PAX8: variants seen among roughly 807,000 people sequenced by gnomAD.
PAX8 encodes paired box protein Pax-8.
Under a neutral mutation model 52.4 loss-of-function variants are expected in PAX8, and 15 were observed. That is an observed-to-expected ratio of 0.29 (90% CI 0.19 to 0.44). The LOEUF is 0.44. Ranked by LOEUF, PAX8 falls within the 20% of genes least tolerant of loss-of-function variation. The pLI is 1.00. For missense variants in PAX8, 554 were observed against 602.5 expected, an observed-to-expected ratio of 0.92 and a Z score of 0.84; for synonymous variants, 284 against 249.7, an observed-to-expected ratio of 1.14 and a Z score of -1.29.
At chr2:113,244,168 G>A (rs1313686979) in intron 4 of PAX8, among the ~76,000 whole-genome samples, 3 of 152,222 alleles carry the variant, frequency 2.0e-5, no homozygotes, top group African/African-American at 4.8e-5. Flanking sequence ...GAAAGCAGAT[G>A]TGGTGTTTGA....
In PAX8 at chr2:113,236,508, T is replaced by C. The variant is rs557457253; in HGVS notation, c.898+93A>G. On this transcript the variant is annotated intron_variant, in intron 8 of 11. Transcript: ENST00000429538. Reference sequence around the variant, plus strand: ...CGGCCGGCACAGCCCGCCTCTCCTCTCCAGGCCAGGGCCCCACACCTTCCG... The same window carrying C: ...CGGCCGGCACAGCCCGCCTCTCCTCCCCAGGCCAGGGCCCCACACCTTCCG... 25 of 1,427,802 alleles carry C rather than the reference T, an allele frequency of 1.8e-5. No individual in the cohort carries two copies. The East Asian group carries it at 5.7e-4, about 33-fold the overall frequency. 88.4% of individuals were successfully genotyped at this position (1,427,802 alleles called of 1,614,324 possible).
Position 113,241,623 on chromosome 2 carries a change from C to T in PAX8, c.705G>A (p.Pro235=), listed in dbSNP as rs191800452. 1.1e-4 allele frequency: 171 copies of T among 1,613,638 alleles called. 1 individual carries two copies. The Admixed American group carries it at 1.9e-3, about 18-fold the overall frequency. Residue 235 remains proline (P), a synonymous_variant, in exon 7 of 12, where the codon CCG becomes CCA. Coordinates refer to ENST00000429538, the MANE Select transcript of PAX8 (RefSeq NM_003466.4). ...TDAFSQHHLE[P]LECPFERQHY... ...GCTGCCGCTCAAATGGGCACTCGAG[C>T]GGCTCGAGGTGGTGCTGGCTGAAGG...
chr2:113,243,691 C>T (rs546846439), intron 4 of PAX8, among the ~76,000 whole-genome samples: 90 of 152,238 alleles, frequency 5.9e-4, no homozygotes, highest in Non-Finnish European at 1.0e-3. Flanking sequence ...TGCACCTGGC[C>T]TATCTACTGG....
chr2:113,226,756 G>A lies in PAX8; in HGVS notation c.1189+399C>T, dbSNP rs1689602519. On this transcript the variant is annotated intron_variant, in intron 10 of 11. Coordinates refer to ENST00000429538, the MANE Select transcript of PAX8 (RefSeq NM_003466.4). ...TGGGATTCATCAGAGTTAAATCACTGGGAGACCAGCACTGCTTGAGGGTAG... is the reference window on the plus strand; with the variant it reads ...TGGGATTCATCAGAGTTAAATCACTAGGAGACCAGCACTGCTTGAGGGTAG... The A allele has an allele frequency of 4.3e-6, 5 of 1,158,032 alleles. No homozygotes were observed. The Admixed American group carries it at 1.9e-4, about 44-fold the overall frequency. 71.7% of individuals were successfully genotyped at this position (1,158,032 alleles called of 1,614,324 possible).
intron 2 of PAX8, among the ~76,000 whole-genome samples, chr2:113,247,756 T>C (rs4849187): frequency 0.3 from 46,330 of 152,160 alleles, 7,109 homozygotes; most frequent in South Asian, 0.44. Context: ...TATTGAGTGC[T>C]AACTATGTGC....
chr2:113,232,718 G>A (rs1226778035), intron 9 of PAX8, among the ~76,000 whole-genome samples: 1 of 152,208 alleles, frequency 6.6e-6, no homozygotes, highest in East Asian at 1.9e-4. Context: ...GGGACAAAGT[G>A]TAGGGGCTTT....
intron 10 of PAX8, among the ~76,000 whole-genome samples, chr2:113,222,107 A>T (rs551255788): frequency 1.6e-4 from 25 of 152,356 alleles, no homozygotes; most frequent in African/African-American, 6.0e-4. Context: ...CCAAGGTCAC[A>T]TATTCAGTGA....
chr2:113,278,663 T>A (rs957066804), intron 1 of PAX8, 168 bp downstream of exon 1: 1 of 645,894 alleles, frequency 1.5e-6, no homozygotes, highest in Non-Finnish European at 2.5e-6. Context: ...GGGAGTGCGC[T>A]GAAGAAGCTC....
chr2:113,266,440 AG>A (rs2104583724), intron 2 of PAX8: 1 of 152,384 alleles, frequency 6.6e-6, no homozygotes, highest in East Asian at 1.9e-4. Context: ...AGGAAAGTCA[AG>A]GTGAGAGGAG....
intron 2 of PAX8, chr2:113,268,316 C>T (rs191441361): frequency 9.2e-5 from 14 of 152,444 alleles, no homozygotes; most frequent in African/African-American, 2.6e-4. Flanking sequence ...TCAACATGCC[C>T]TGGAAGTCAC....
rs896193757 is a variant in PAX8, at chr2:113,246,609, C to T, written c.191+145G>A. Reference sequence around the variant, plus strand: ...CTGGGTAGAGGCCCAGAAGGACCACCATAACTGTTCAGGTCTCAGGACCAA... The same window carrying T: ...CTGGGTAGAGGCCCAGAAGGACCACTATAACTGTTCAGGTCTCAGGACCAA... On this transcript the variant is annotated intron_variant, in intron 3 of 11. Transcript: ENST00000429538. 4.8e-6 allele frequency: 4 copies of T among 834,362 alleles called. No individual in the cohort carries two copies. In the African/African-American group the frequency reaches 6.7e-5, roughly 14 times the overall value. 51.7% of individuals were successfully genotyped at this position (834,362 alleles called of 1,614,324 possible). A position where few individuals can be genotyped will look rare whatever the true frequency, so the allele number is the denominator to read the frequency against.
chr2:113,250,973 G>A (rs987217729), intron 2 of PAX8: 1 of 151,174 alleles, frequency 6.6e-6, no homozygotes, highest in African/African-American at 2.5e-5. Flanking sequence ...AGGTAACTAG[G>A]TGAAGAATTT....
intron 3 of PAX8, 46 bp downstream of exon 3, chr2:113,246,708 G>A (rs1691345459): frequency 6.3e-7 from 1 of 1,596,882 alleles, no homozygotes; most frequent in African/African-American, 1.3e-5. Context: ...AGCTGGAGAA[G>A]TCAAGCCCTG....
rs182184705 is a variant in PAX8, at chr2:113,222,381, C to A, written c.1190-2203G>T. Among the ~76,000 whole-genome samples, 18 of 152,264 alleles carry A rather than the reference C, an allele frequency of 1.2e-4. No homozygotes were observed. In the East Asian group the frequency reaches 3.3e-3, roughly 28 times the overall value. ...CTCATTCATGCATTCACTCACTCAC[C>A]CACTTATTTATGTATTTAACTACCA... On this transcript the variant is annotated intron_variant, in intron 10 of 11. Coordinates refer to ENST00000429538, the MANE Select transcript of PAX8 (RefSeq NM_003466.4).
chr2:113,233,265 C>A (rs1690009302), intron 9 of PAX8, among the ~76,000 whole-genome samples: 1 of 151,828 alleles, frequency 6.6e-6, no homozygotes, highest in Admixed American at 6.6e-5. Flanking sequence ...CATCTCTCTG[C>A]CCACACACTG....
Position 113,278,362 on chromosome 2 carries a change from G to A in PAX8, c.25+8C>T, listed in dbSNP as rs747883297. The A allele has an allele frequency of 5.0e-6, 8 of 1,598,928 alleles. No homozygotes were observed. In the East Asian group the frequency reaches 1.3e-4, roughly 27 times the overall value. ...GGCTCGGGGATCCTGACCACACCGC[G>A]TTCTTACCAGATCTGATGGAGTTGT... On this transcript the variant is annotated splice_region_variant and intron_variant, in intron 2 of 11. Coordinates refer to ENST00000429538, the MANE Select transcript of PAX8 (RefSeq NM_003466.4).
chr2:113,219,643 A>T (rs1282002913), intron 11 of PAX8, among the ~76,000 whole-genome samples: 1 of 152,180 alleles, frequency 6.6e-6, no homozygotes, highest in African/African-American at 2.4e-5. Context: ...TAGATGGTTA[A>T]TGGGGGCAAC....
intron 9 of PAX8, among the ~76,000 whole-genome samples, 159 bp from the exon 10 acceptor site, chr2:113,227,415 A>G (rs1689648235): frequency 6.6e-6 from 1 of 152,112 alleles, no homozygotes; most frequent in Non-Finnish European, 1.5e-5. Flanking sequence ...TCTGAGCCCA[A>G]GTTCTTTTCA....
At chr2:113,251,748 C>T (rs922028008) in intron 2 of PAX8, among the ~76,000 whole-genome samples, 3 of 152,166 alleles carry the variant, frequency 2.0e-5, no homozygotes, top group Admixed American at 6.5e-5. Flanking sequence ...AACAGAGACA[C>T]TTATTGACCA....
Sources: allele counts gnomAD v4.1 joint callset (sites outside exome capture counted in the v4.1 genomes callset), GRCh38; gene constraint gnomAD v4.1.1; transcripts MANE v1.5; gene names NCBI Gene and HGNC (gene_info 2026-07-23, HGNC 2026-07-21).